The following SCAF1 variants were observed in gnomAD, a reference collection of about 807,000 sequenced individuals.
The protein encoded by SCAF1 is SR-related CTD associated factor 1.
Under a neutral mutation model 91.2 loss-of-function variants are expected in SCAF1, and 28 were observed. That is an observed-to-expected ratio of 0.31 (90% CI 0.23 to 0.42). SCAF1 has a LOEUF of 0.42. SCAF1 is among the 10% of genes least tolerant of loss of function. SCAF1 has a pLI of 1.00. For missense variants in SCAF1, 1,893 were observed against 1,872.1 expected (o/e 1.01, Z -0.21); for synonymous variants, 1,036 against 833.7 (o/e 1.24, Z -4.18).
In SCAF1 at chr19:49,652,301, G is replaced by A. The variant is rs1288968737; in HGVS notation, c.1912G>A (p.Gly638Ser). 6.5e-7 allele frequency: 1 copy of A among 1,530,488 alleles called. No individual in the cohort carries two copies. The highest frequency in any genetic ancestry group is 2.0e-5 in the Admixed American group (1 of 49,158). The allele number at this position is 1,530,488 out of a possible 1,614,324, so 94.8% of individuals were successfully genotyped here. ...ERHRGKHRDG[G>S]GSKKKKKRSR... ...GCACCGCGGGAAACACCGGGACGGT[G>A]GCGGCAGCAAGAAGAAGAAGAAGCG... The change falls in exon 7 of 11, where the codon GGC becomes AGC. Residue 638 changes from glycine (G) to serine (S), a missense_variant. By Grantham distance (56) the Gly-to-Ser change is moderately conservative (BLOSUM62 0). Around this residue, in one of 5 missense-constraint regions of SCAF1, gnomAD observed 1,436 missense variants for 1,306.8 expected, o/e 1.10. Coordinates refer to ENST00000360565, the MANE Select transcript of SCAF1 (RefSeq NM_021228.3).
At chr19:49,647,334 G>A (rs1264851113) in intron 6 of SCAF1, among the ~76,000 whole-genome samples, 2 of 152,196 alleles carry the variant, frequency 1.3e-5, no homozygotes, top group Non-Finnish European at 2.9e-5. Context: ...TAGACCAAAC[G>A]CGAACGCACA....
chr19:49,642,482 C>T lies in SCAF1; in HGVS notation c.-7+240C>T, dbSNP rs1414994789. Among the ~76,000 whole-genome samples the T allele has an allele frequency of 6.6e-6, 1 of 152,096 alleles. No homozygotes were observed. Among genetic ancestry groups the T allele is most frequent in the Non-Finnish European group, 1.5e-5 (1 of 68,012 alleles). On this transcript the variant is annotated intron_variant, in intron 1 of 10. Transcript: ENST00000360565. This position sits in a 1 kb window ranked among gnomAD's most constrained non-coding sequence, Gnocchi z 4.0. Reference sequence around the variant, plus strand: ...CGTCTATGGGGCGTCTCCGAGAGGACTTGGGGCGTCTCTGGGCCTAGACCG... The same window carrying T: ...CGTCTATGGGGCGTCTCCGAGAGGATTTGGGGCGTCTCTGGGCCTAGACCG...
chr19:49,655,301 T>G (rs923892978), intron 9 of SCAF1, among the ~76,000 whole-genome samples: 2 of 152,174 alleles, frequency 1.3e-5, no homozygotes, highest in Non-Finnish European at 2.9e-5. Flanking sequence ...ACTCAGCTGC[T>G]CTGGCCGGCT....
In SCAF1 at chr19:49,652,902, C is replaced by T; in HGVS notation, c.2513C>T (p.Ala838Val). 6.2e-7 allele frequency: 1 copy of T among 1,613,848 alleles called. No homozygotes were observed. The highest frequency in any genetic ancestry group is 8.5e-7 in the Non-Finnish European group (1 of 1,179,962). Residue 838 changes from alanine (A) to valine (V), a missense_variant, in exon 7 of 11, where the codon GCG becomes GTG. Ala to Val is a moderately conservative substitution (Grantham distance 64). Around this residue, in one of 5 missense-constraint regions of SCAF1, gnomAD observed 1,436 missense variants for 1,306.8 expected, o/e 1.10. Coordinates refer to ENST00000360565, the MANE Select transcript of SCAF1 (RefSeq NM_021228.3). ...SRKVKLQSKV[A>V]VLIREGVSST... ...AAGGTGAAGCTGCAGTCCAAGGTGG[C>T]GGTGCTGATCCGCGAGGGTGTCAGC...
At position 49,651,288 on chromosome 19, in the gene SCAF1, C is replaced by G. The variant is rs1330510744; in HGVS notation, c.899C>G (p.Thr300Ser). The change falls in exon 7 of 11, where the codon ACC becomes AGC. Residue 300 changes from threonine to serine, a missense_variant. Transcript: ENST00000360565. ...LSQSISRISE[T>S]LAGIYDDNSL... ...CAGAGCATCAGCCGCATCTCGGAGA[C>G]CCTGGCGGGCATCTACGATGACAAC... is the stretch of plus-strand genomic sequence containing the variant. 6.2e-7 allele frequency: 1 copy of G among 1,611,504 alleles called. No homozygotes were observed. Among genetic ancestry groups the G allele is most frequent in the South Asian group, 1.1e-5 (1 of 91,040 alleles).
Position 49,652,146 on chromosome 19 carries a change from G to A in SCAF1, c.1757G>A (p.Arg586His). 1 of 1,089,498 alleles carries A rather than the reference G, an allele frequency of 9.2e-7. No homozygotes were observed. The highest frequency in any genetic ancestry group is 1.1e-6 in the Non-Finnish European group (1 of 893,706). The allele number at this position is 1,089,498 out of a possible 1,614,324, so 67.5% of individuals were successfully genotyped here. A position where few individuals can be genotyped will look rare whatever the true frequency, so the allele number is the denominator to read the frequency against. ...TCCCGCTCCCGCTCCACCCGCCGCCGCTCGCGCAGCACCGACCGCCGCCGC... is the reference window on the plus strand; with the variant it reads ...TCCCGCTCCCGCTCCACCCGCCGCCACTCGCGCAGCACCGACCGCCGCCGC... Reference protein sequence around the residue: ...SRSRSRSTRRRSRSTDRRRGG... With the variant: ...SRSRSRSTRRHSRSTDRRRGG... Residue 586 changes from arginine (R) to histidine (H), a missense_variant, in exon 7 of 11, where the codon CGC becomes CAC. Physicochemically the swap from Arg to His is conservative, Grantham distance 29 (BLOSUM62 0). This residue lies in a region of SCAF1 where 1,436 missense variants were observed against 1,306.8 expected (regional missense o/e 1.10). Transcript: ENST00000360565.
chr19:49,643,065 T>C (rs566482168), intron 1 of SCAF1, among the ~76,000 whole-genome samples: 1 of 152,330 alleles, frequency 6.6e-6, no homozygotes, highest in African/African-American at 2.4e-5. Flanking sequence ...TGGCGAATAA[T>C]AATACGGAAA....
rs145096770 is a variant in SCAF1, at chr19:49,646,116, C to T, written c.175C>T (p.Arg59Trp). Residue 59 changes from arginine (R) to tryptophan (W), a missense_variant, in exon 4 of 11, where the codon CGG (arginine) becomes TGG (tryptophan). Arg to Trp is a moderately radical substitution (Grantham distance 101). Coordinates refer to ENST00000360565, the MANE Select transcript of SCAF1 (RefSeq NM_021228.3). The surrounding 1 kb of genome is among the most constrained non-coding windows in gnomAD (Gnocchi z 5.6). ...GDLPNDKDGSRCHGLRWRRCR... is the reference protein window; with the variant it reads ...GDLPNDKDGSWCHGLRWRRCR... ...TGCAAATCTCTCACCAGATGGCTCTCGGTGTCATGGCCTTCGATGGCGGCG... is the reference window on the plus strand; with the variant it reads ...TGCAAATCTCTCACCAGATGGCTCTTGGTGTCATGGCCTTCGATGGCGGCG... 2.7e-5 allele frequency: 43 copies of T among 1,611,888 alleles called. No homozygotes were observed. Among genetic ancestry groups the T allele is most frequent in the East Asian group, 1.6e-4 (7 of 44,892 alleles).
chr19:49,653,401 C>G lies in SCAF1; in HGVS notation c.3012C>G (p.Val1004=). 1 of 1,542,858 alleles carries G rather than the reference C, an allele frequency of 6.5e-7. No homozygotes were observed. Among genetic ancestry groups the G allele is most frequent in the Non-Finnish European group, 8.7e-7 (1 of 1,142,982 alleles). Residue 1004 remains valine, a synonymous_variant, in exon 7 of 11, where the codon GTC becomes GTG. Coordinates refer to ENST00000360565, the MANE Select transcript of SCAF1 (RefSeq NM_021228.3). The part of the protein sequence containing the change: ...TVDSSCKTPE[V]SFLPEEATEE... ...ACAGCAGCTGCAAGACACCTGAGGT[C>G]TCCTTCCTGCCCGAGGAGGCCACTG...
Position 49,652,644 on chromosome 19 carries a change from G to A in SCAF1, c.2255G>A (p.Arg752His), listed in dbSNP as rs1347150807. The A allele has an allele frequency of 3.8e-6, 6 of 1,559,762 alleles. No homozygotes were observed. Among genetic ancestry groups the A allele is most frequent in the East Asian group, 2.4e-5 (1 of 41,480 alleles). Residue 752 changes from arginine (R) to histidine (H), a missense_variant, in exon 7 of 11, where the codon CGC becomes CAC. Arg to His is a conservative substitution (Grantham distance 29). This residue lies in a region of SCAF1 where 1,436 missense variants were observed against 1,306.8 expected (regional missense o/e 1.10). Coordinates refer to ENST00000360565, the MANE Select transcript of SCAF1 (RefSeq NM_021228.3). ...RGGKSSQKDR[R>H]RSGAASSSSS... is the part of the protein sequence containing the mutation. ...GGCAAGAGCAGCCAGAAGGATCGGC[G>A]CCGCTCGGGGGCCGCCTCCTCCTCC...
intron 9 of SCAF1, among the ~76,000 whole-genome samples, chr19:49,655,436 G>C (rs1463755846): frequency 6.6e-6 from 1 of 152,064 alleles, no homozygotes; most frequent in Admixed American, 6.6e-5. Flanking sequence ...GTGCCATCTC[G>C]GCTCACTGCA....
Position 49,646,045 on chromosome 19 carries a change from C to T in SCAF1, c.167-63C>T. The T allele has an allele frequency of 6.8e-7, 1 of 1,465,782 alleles. No homozygotes were observed. The highest frequency in any genetic ancestry group is 9.5e-7 in the Non-Finnish European group (1 of 1,050,422). 90.8% of individuals were successfully genotyped at this position (1,465,782 alleles called of 1,614,324 possible). A position where few individuals can be genotyped will look rare whatever the true frequency, so the allele number is the denominator to read the frequency against. ...GAACTAGATCAAGCTCCTCTTTCCTCTACCCCGCAAGTCTCTGCAGCAAGT... is the reference window on the plus strand; with the variant it reads ...GAACTAGATCAAGCTCCTCTTTCCTTTACCCCGCAAGTCTCTGCAGCAAGT... On this transcript the variant is annotated intron_variant, in intron 3 of 10. Transcript: ENST00000360565. This position sits in a 1 kb window ranked among gnomAD's most constrained non-coding sequence, Gnocchi z 5.6.
At chr19:49,653,856 G>A (rs755046482) in intron 7 of SCAF1, 151 bp downstream of exon 7, 46 of 718,918 alleles carry the variant, frequency 6.4e-5, no homozygotes, top group Non-Finnish European at 8.7e-5. Context: ...GGCCAGCCAG[G>A]CTCTAGGTGC....
rs1194699270 is a variant in SCAF1 at position 49,646,699 on chromosome 19, C to A, written c.363-16C>A. The A allele has an allele frequency of 1.9e-6, 3 of 1,613,358 alleles. No individual in the cohort carries two copies. The highest frequency in any genetic ancestry group is 1.7e-5 in the Admixed American group (1 of 59,992). On this transcript the variant is annotated splice_polypyrimidine_tract_variant and intron_variant, in intron 5 of 10. Coordinates refer to ENST00000360565, the MANE Select transcript of SCAF1 (RefSeq NM_021228.3). This position sits in a 1 kb window ranked among gnomAD's most constrained non-coding sequence, Gnocchi z 5.6. ...AGAAGCACCCCTGAGGCTCACCCAC[C>A]CCTTCCGCCTTGCAGAAGTGAGGAC...
In SCAF1 at chr19:49,645,772, G is replaced by A. The variant is rs547302913; in HGVS notation, c.167-336G>A. On this transcript the variant is annotated intron_variant, in intron 3 of 10. Coordinates refer to ENST00000360565, the MANE Select transcript of SCAF1 (RefSeq NM_021228.3). This position sits in a 1 kb window ranked among gnomAD's most constrained non-coding sequence, Gnocchi z 4.6. ...AGCAGGCCTACAGCACGGGTGCAGCGGCGAGGGGCTGCGCTGGGCTTCCTT... is the reference window on the plus strand; with the variant it reads ...AGCAGGCCTACAGCACGGGTGCAGCAGCGAGGGGCTGCGCTGGGCTTCCTT... Among the ~76,000 whole-genome samples the A allele has an allele frequency of 4.6e-5, 7 of 152,304 alleles. No individual in the cohort carries two copies. In the South Asian group the frequency reaches 8.3e-4, roughly 18 times the overall value.
In SCAF1 at chr19:49,650,953, T is replaced by TCC; in HGVS notation, c.564_565insCC (p.Ala189ProfsTer123). Reference sequence around the variant, plus strand: ...GAGACGGGGGCCCTGCCCCACCCCCTGCCCCCTCCTCTGCATCCTCCTCCC... The same window carrying TCC: ...GAGACGGGGGCCCTGCCCCACCCCCTCCGCCCCCTCCTCTGCATCCTCCTCCC... On this transcript the variant is annotated frameshift_variant, in exon 7 of 11. Coordinates refer to ENST00000360565, the MANE Select transcript of SCAF1 (RefSeq NM_021228.3). LOFTEE classifies it high-confidence loss of function. 2.9e-6 allele frequency: 2 copies of TCC among 692,940 alleles called. No homozygotes were observed. Among genetic ancestry groups the TCC allele is most frequent in the South Asian group, 2.5e-5 (1 of 40,806 alleles). 42.9% of individuals were successfully genotyped at this position (692,940 alleles called of 1,614,324 possible).
Position 49,654,642 on chromosome 19 carries a change from C to T in SCAF1, c.3400-10C>T, listed in dbSNP as rs200907761. The stretch of plus-strand genomic sequence containing the variant: ...CCTTTACTCATCACCCCTCTGTCCT[C>T]GTCCCACAGATCCTCAGCCACAGAA... On this transcript the variant is annotated splice_polypyrimidine_tract_variant and intron_variant, in intron 8 of 10. Transcript: ENST00000360565. 18 of 1,604,930 alleles carry T rather than the reference C, an allele frequency of 1.1e-5. No individual in the cohort carries two copies. Among genetic ancestry groups the T allele is most frequent in the South Asian group, 3.3e-5 (3 of 90,484 alleles).
chr19:49,658,037 C>T (rs1240890639), intron 10 of SCAF1, 148 bp downstream of exon 10: 3 of 1,291,004 alleles, frequency 2.3e-6, no homozygotes, highest in South Asian at 1.5e-5. Context: ...TCAAGGCCAC[C>T]TGGGCCTGTT....
chr19:49,646,162 A>C lies in SCAF1; in HGVS notation c.221A>C (p.Glu74Ala). The change falls in exon 4 of 11, where the codon GAG (glutamate) becomes GCG (alanine). Residue 74 changes from glutamate (E) to alanine (A), a missense_variant. Coordinates refer to ENST00000360565, the MANE Select transcript of SCAF1 (RefSeq NM_021228.3). This position sits in a 1 kb window ranked among gnomAD's most constrained non-coding sequence, Gnocchi z 5.6. Reference protein sequence around the residue: ...RWRRCRSPRSEPRSQESGGTD... With the variant: ...RWRRCRSPRSAPRSQESGGTD... ...CGGCGCTGCCGGAGTCCACGGTCAGAGCCCCGTTCCCAGGAATCAGGGGGC... is the reference window on the plus strand; with the variant it reads ...CGGCGCTGCCGGAGTCCACGGTCAGCGCCCCGTTCCCAGGAATCAGGGGGC... 6.2e-7 allele frequency: 1 copy of C among 1,609,786 alleles called. No homozygotes were observed. The highest frequency in any genetic ancestry group is 1.3e-5 in the African/African-American group (1 of 74,268).
Sources: allele counts gnomAD v4.1 joint callset (sites outside exome capture counted in the v4.1 genomes callset), GRCh38; gene constraint gnomAD v4.1.1; regional missense constraint gnomAD v4.1.1; non-coding constraint Gnocchi (gnomAD v3.1); transcripts MANE v1.5; gene names NCBI Gene and HGNC (gene_info 2026-07-23, HGNC 2026-07-21).